Variants in NELL1 observed in about 807,000 individuals in gnomAD.
NELL1 encodes protein kinase C-binding protein NELL1.
A neutral mutation model predicts 107.4 loss-of-function variants in NELL1; 76 were observed. The observed-to-expected ratio is 0.71, with a 90% CI of 0.59 to 0.86. The LOEUF is 0.86. NELL1 is among the 40% of genes least tolerant of loss of function. NELL1 has a pLI of 0.00. For synonymous variants in NELL1, 353 were observed against 341.2 expected (o/e 1.03, Z -0.38); for missense variants, 1,024 against 1,005.5 (o/e 1.02, Z -0.25).
At chr11:21,405,102 T>C (rs1024207176) in intron 15 of NELL1, among the ~76,000 whole-genome samples, 28 of 152,046 alleles carry the variant, frequency 1.8e-4, no homozygotes, top group Non-Finnish European at 4.4e-5. Flanking sequence ...AAGGGCACTT[T>C]TGGTTATGGC....
At chr11:21,018,250 A>G (rs963648875) in intron 12 of NELL1, among the ~76,000 whole-genome samples, 1 of 152,110 alleles carries the variant, frequency 6.6e-6, no homozygotes, top group African/African-American at 2.4e-5. Flanking sequence ...ATAGGTTTCA[A>G]TAATACATGT....
intron 14 of NELL1, among the ~76,000 whole-genome samples, chr11:21,337,960 A>G (rs930995941): frequency 4.6e-5 from 7 of 151,008 alleles, no homozygotes; most frequent in Non-Finnish European, 7.4e-5. Flanking sequence ...CATCTATCCT[A>G]TAGAATACTT....
At chr11:20,811,541 C>G (rs962192532) in intron 3 of NELL1, among the ~76,000 whole-genome samples, 1 of 152,022 alleles carries the variant, frequency 6.6e-6, no homozygotes, top group African/African-American at 2.4e-5. Context: ...GTAGTATGGA[C>G]ATTTAAACAA....
At chr11:21,313,493 T>G (rs557220332) in intron 14 of NELL1, among the ~76,000 whole-genome samples, 1 of 152,300 alleles carries the variant, frequency 6.6e-6, no homozygotes, top group South Asian at 2.1e-4. Flanking sequence ...CTCCAGAGTC[T>G]GCTTTCCAAG....
chr11:21,376,246 A>G (rs1851474968), intron 15 of NELL1, among the ~76,000 whole-genome samples: 1 of 152,070 alleles, frequency 6.6e-6, no homozygotes, highest in Admixed American at 6.6e-5. Context: ...GTAGGAGTCC[A>G]GTTTTATTCT....
chr11:20,943,413 T>G (rs552668395), intron 10 of NELL1, among the ~76,000 whole-genome samples: 3 of 152,026 alleles, frequency 2.0e-5, no homozygotes, highest in East Asian at 3.9e-4. Context: ...TAAAACCCTG[T>G]CTCTACTAAA....
intron 5 of NELL1, among the ~76,000 whole-genome samples, chr11:20,890,277 T>C (rs1435148740): frequency 6.6e-6 from 1 of 151,936 alleles, no homozygotes; most frequent in Non-Finnish European, 1.5e-5. Flanking sequence ...GACCTGACTA[T>C]TGAAATAAAG....
At chr11:20,945,603 G>A (rs1464164112) in intron 10 of NELL1, among the ~76,000 whole-genome samples, 1 of 152,194 alleles carries the variant, frequency 6.6e-6, no homozygotes, top group Non-Finnish European at 1.5e-5. Flanking sequence ...TATTAATATT[G>A]AAGGATAGAC....
chr11:21,007,388 G>C lies in NELL1; in HGVS notation c.1300+46828G>C, dbSNP rs201168272. 4.0e-5 allele frequency among the ~76,000 whole-genome samples: 6 copies of C among 149,228 alleles called. No homozygotes were observed. The South Asian group carries it at 1.1e-3, about 26-fold the overall frequency. On this transcript the variant is annotated intron_variant, in intron 12 of 19. Transcript: ENST00000357134. The stretch of plus-strand genomic sequence containing the variant: ...GTGTATGTGTATGTACACACACACA[G>C]ACACACACACACACACACACACACA...
intron 10 of NELL1, among the ~76,000 whole-genome samples, chr11:20,941,335 G>A (rs183160159): frequency 6.6e-6 from 1 of 152,290 alleles, no homozygotes; most frequent in East Asian, 1.9e-4. Flanking sequence ...ATAAGAGGGT[G>A]AGTCTAATTA....
chr11:20,743,485 T>C (rs553302374), intron 2 of NELL1, among the ~76,000 whole-genome samples: 4 of 152,196 alleles, frequency 2.6e-5, no homozygotes, highest in Non-Finnish European at 5.9e-5. Flanking sequence ...GAGATTACTG[T>C]TTACTTTTCC....
chr11:21,246,611 A>G (rs896414960), intron 14 of NELL1, among the ~76,000 whole-genome samples: 2 of 152,126 alleles, frequency 1.3e-5, no homozygotes, highest in Non-Finnish European at 2.9e-5. Context: ...TTTCTAGGCT[A>G]CAAGCCTATA....
chr11:21,445,507 G>T (rs745557104), intron 15 of NELL1, among the ~76,000 whole-genome samples: 23 of 151,860 alleles, frequency 1.5e-4, no homozygotes, highest in Non-Finnish European at 2.9e-4. Flanking sequence ...TGTATTTTTA[G>T]TATTTTTAGT....
chr11:21,169,842 C>T lies in NELL1; in HGVS notation c.1426+56128C>T, dbSNP rs115643365. ...GCTGAGCCCGATGCAAGTGCTTGCACCCCAGAGTCCCCCCAGGAAGAGTTG... is the reference window on the plus strand; with the variant it reads ...GCTGAGCCCGATGCAAGTGCTTGCATCCCAGAGTCCCCCCAGGAAGAGTTG... On this transcript the variant is annotated intron_variant, in intron 13 of 19. Transcript: ENST00000357134. The T allele has an allele frequency of 2.4e-3, 3,386 of 1,407,400 alleles. 144 individuals carry two copies. The African/African-American group carries it at 0.043, about 18-fold the overall frequency. 87.2% of individuals were successfully genotyped at this position (1,407,400 alleles called of 1,614,324 possible). A position where few individuals can be genotyped will look rare whatever the true frequency, so the allele number is the denominator to read the frequency against.
chr11:21,330,862 C>A (rs565031468), intron 14 of NELL1, among the ~76,000 whole-genome samples: 37 of 152,072 alleles, frequency 2.4e-4, no homozygotes, highest in Admixed American at 5.2e-4. Context: ...TATATTGGTA[C>A]AATTAATGGT....
chr11:21,115,362 ACACACAC>A (rs1855209096), intron 13 of NELL1, among the ~76,000 whole-genome samples: 1 of 151,488 alleles, frequency 6.6e-6, no homozygotes, highest in Non-Finnish European at 1.5e-5. Flanking sequence ...ACACACACAC[ACACACAC>A]ACACACGCTT....
intron 15 of NELL1, among the ~76,000 whole-genome samples, chr11:21,431,596 G>C (rs1852966895): frequency 6.6e-6 from 1 of 152,160 alleles, no homozygotes; most frequent in Non-Finnish European, 1.5e-5. Context: ...GATAAGGTTG[G>C]AAAGTAAGGG....
intron 15 of NELL1, among the ~76,000 whole-genome samples, chr11:21,513,186 T>C (rs1285316435): frequency 6.6e-6 from 1 of 152,198 alleles, no homozygotes; most frequent in Non-Finnish European, 1.5e-5. Flanking sequence ...TGTAATTCAC[T>C]ACCCTCCAGC....
At chr11:20,859,586 C>T (rs1414567357) in intron 4 of NELL1, among the ~76,000 whole-genome samples, 1 of 152,118 alleles carries the variant, frequency 6.6e-6, no homozygotes, top group Admixed American at 6.6e-5. Flanking sequence ...TACACTGCTC[C>T]AATATAAATT....
Sources: allele counts gnomAD v4.1 joint callset (sites outside exome capture counted in the v4.1 genomes callset), GRCh38; gene constraint gnomAD v4.1.1; transcripts MANE v1.5; gene names NCBI Gene and HGNC (gene_info 2026-07-23, HGNC 2026-07-21).